CLVS1: variants seen among roughly 807,000 people sequenced by gnomAD.
The protein encoded by CLVS1 is clavesin 1.
In CLVS1, 10 loss-of-function variants were observed where a neutral mutation model predicts 33.1. That is an observed-to-expected ratio of 0.30 (90% CI 0.19 to 0.51). The LOEUF is 0.51. Ranked by LOEUF, CLVS1 falls within the 20% of genes least tolerant of loss-of-function variation. The pLI is 0.97. For missense variants in CLVS1, 343 were observed against 433.4 expected (o/e 0.79, Z 1.85); for synonymous variants, 163 against 166.1 (o/e 0.98, Z 0.14).
the CLVS1 span, among the ~76,000 whole-genome samples, chr8:60,978,017 G>GA: frequency 1.7e-4 from 26 of 152,284 alleles, no homozygotes; most frequent in Middle Eastern, 3.4e-3. Flanking sequence ...AGTCCTGGAA[G>GA]AAAAAACTGG....
the CLVS1 span, among the ~76,000 whole-genome samples, chr8:60,978,809 C>CAAAAAAAAAAAAAAAAAAAAA: frequency 9.3e-4 from 21 of 22,470 alleles, no homozygotes; most frequent in Non-Finnish European, 1.3e-3. Flanking sequence ...GACTCCATCT[C>CAAAAAAAAAAAAAAAAAAAAA]AAAAAAAAAA....
chr8:61,013,231 G>A, the CLVS1 span, among the ~76,000 whole-genome samples: 3 of 152,150 alleles, frequency 2.0e-5, no homozygotes, highest in East Asian at 5.8e-4. Flanking sequence ...GACTTGCAAC[G>A]TTCCTGAGCC....
chr8:61,057,766 G>A (rs1016366157), intron 1 of CLVS1, among the ~76,000 whole-genome samples: 1 of 152,182 alleles, frequency 6.6e-6, no homozygotes, highest in Non-Finnish European at 1.5e-5. Flanking sequence ...TGCTTGAAGT[G>A]GGTGGATAAA....
At chr8:60,990,523 T>G in the CLVS1 span, among the ~76,000 whole-genome samples, 1 of 152,072 alleles carries the variant, frequency 6.6e-6, no homozygotes, top group African/African-American at 2.4e-5. Context: ...ATGTGGAAAT[T>G]TGTTGAAGCT....
rs529126078 is a variant in CLVS1 at position 61,194,747 on chromosome 8, C to T, written c.-152+62887C>T. Among the ~76,000 whole-genome samples the T allele has an allele frequency of 4.6e-5, 7 of 151,600 alleles. No homozygotes were observed. In the South Asian group the frequency reaches 1.5e-3, roughly 32 times the overall value. ...TATTTAGATATATAAAAATTCATAT[C>T]CTTTTGAAGAAATGCAGAATTTATA... On this transcript the variant is annotated intron_variant, in intron 2 of 2. Coordinates refer to the CLVS1 transcript ENST00000522621.
At chr8:61,187,661 A>T (rs921556695) in intron 2 of CLVS1, among the ~76,000 whole-genome samples, 7 of 152,130 alleles carry the variant, frequency 4.6e-5, no homozygotes, top group Admixed American at 3.3e-4. Flanking sequence ...GATATATTCT[A>T]TTTCCAGCAA....
At chr8:61,452,921 G>C (rs770912834) in intron 3 of CLVS1, among the ~76,000 whole-genome samples, 2 of 152,046 alleles carry the variant, frequency 1.3e-5, no homozygotes, top group African/African-American at 2.4e-5. Context: ...AGATGCCTGG[G>C]GATCCTGTAG....
At chr8:61,169,790 A>C (rs1806956297) in intron 2 of CLVS1, among the ~76,000 whole-genome samples, 1 of 151,700 alleles carries the variant, frequency 6.6e-6, no homozygotes, top group Non-Finnish European at 1.5e-5. Flanking sequence ...TATTTGTGAG[A>C]CTCCCATGGC....
At chr8:60,974,241 TC>T in the CLVS1 span, among the ~76,000 whole-genome samples, 1 of 152,188 alleles carries the variant, frequency 6.6e-6, no homozygotes, top group African/African-American at 2.4e-5. Context: ...ACTCCCCAAG[TC>T]CCCTGCCTCC....
At position 61,297,910 on chromosome 8, in the gene CLVS1, G is replaced by A. The variant is rs77072717; in HGVS notation, c.-151-1767G>A. Among the ~76,000 whole-genome samples, 681 of 152,292 alleles carry A rather than the reference G, an allele frequency of 4.5e-3. 9 individuals carry two copies. Among genetic ancestry groups the A allele is most frequent in the African/African-American group, 0.016 (651 of 41,564 alleles). On this transcript the variant is annotated intron_variant, in intron 1 of 5. Transcript: ENST00000325897. ...ACCTACAGTAGCTGCTCACAGCACA[G>A]TAGATGCTAAAGTTTGTTTATTGGA...
chr8:61,413,903 A>G (rs1379573525), intron 3 of CLVS1, among the ~76,000 whole-genome samples: 1 of 152,206 alleles, frequency 6.6e-6, no homozygotes, highest in Non-Finnish European at 1.5e-5. Context: ...TTAATCCCAA[A>G]TATATATTTT....
chr8:61,416,976 A>T (rs1815462238), intron 3 of CLVS1, among the ~76,000 whole-genome samples: 1 of 152,244 alleles, frequency 6.6e-6, no homozygotes, highest in African/African-American at 2.4e-5. Flanking sequence ...TAGCAAGCCC[A>T]GTGGAAGCCA....
Position 61,167,747 on chromosome 8 carries a change from G to A in CLVS1, c.-152+35887G>A, listed in dbSNP as rs367858341. ...TATAAAGACCTTGCTGATAAAACAG[G>A]TTGTAGTAAAGAAGCCGGCTAAAAC... On this transcript the variant is annotated intron_variant, in intron 2 of 2. Transcript: ENST00000522621. Among the ~76,000 whole-genome samples, 12 of 152,240 alleles carry A rather than the reference G, an allele frequency of 7.9e-5. No individual in the cohort carries two copies. The South Asian group carries it at 1.2e-3, about 16-fold the overall frequency.
At chr8:61,293,282 A>G (rs1267436156) in intron 1 of CLVS1, among the ~76,000 whole-genome samples, 4 of 152,168 alleles carry the variant, frequency 2.6e-5, no homozygotes, top group Non-Finnish European at 5.9e-5. Context: ...GATAGTTTAT[A>G]TCTGTAAGTT....
intron 3 of CLVS1, among the ~76,000 whole-genome samples, chr8:61,423,192 G>A (rs1331732775): frequency 1.2e-4 from 18 of 151,964 alleles, no homozygotes; most frequent in Non-Finnish European, 2.2e-4. Flanking sequence ...CTCAACCCCT[G>A]GGCTTTTTCC....
chr8:61,050,613 A>G, the CLVS1 span, among the ~76,000 whole-genome samples: 1 of 150,750 alleles, frequency 6.6e-6, no homozygotes, highest in East Asian at 2.0e-4. Flanking sequence ...CCATGCATAG[A>G]GAGGGCTGAC....
chr8:61,236,302 C>A (rs1465031221), intron 2 of CLVS1, among the ~76,000 whole-genome samples: 2 of 152,176 alleles, frequency 1.3e-5, no homozygotes, highest in African/African-American at 4.8e-5. Flanking sequence ...TACACAGTGG[C>A]TCAGAGAGGC....
intron 2 of CLVS1, among the ~76,000 whole-genome samples, chr8:61,163,756 C>A (rs1312316760): frequency 1.3e-5 from 2 of 152,174 alleles, no homozygotes; most frequent in Non-Finnish European, 2.9e-5. Context: ...GGGCACTTAG[C>A]CTTGCAGGAA....
intron 2 of CLVS1, among the ~76,000 whole-genome samples, chr8:61,357,380 G>T (rs1361294841): frequency 1.3e-5 from 2 of 151,038 alleles, no homozygotes; most frequent in Non-Finnish European, 2.9e-5. Context: ...AAACAACCAT[G>T]CAAAATGATG....
Sources: allele counts gnomAD v4.1 joint callset (sites outside exome capture counted in the v4.1 genomes callset), GRCh38; gene constraint gnomAD v4.1.1; transcripts MANE v1.5; gene names NCBI Gene and HGNC (gene_info 2026-07-23, HGNC 2026-07-21).